Variants in SQLE observed in about 807,000 individuals in gnomAD.
SQLE encodes the protein squalene epoxidase.
In SQLE, 29 loss-of-function variants were observed where a neutral mutation model predicts 60.7. The observed-to-expected ratio is 0.48, with a 90% CI of 0.36 to 0.65. The LOEUF (loss-of-function observed/expected upper bound fraction) is 0.65. Among genes scored for constraint, SQLE ranks in the 30% least tolerant of loss-of-function variants. SQLE has a pLI of 0.00. For synonymous variants in SQLE, 237 were observed against 246.8 expected (o/e 0.96, Z 0.37); for missense variants, 605 against 684.1 (o/e 0.88, Z 1.29).
chr8:124,999,873 A>G, intron 1 of SQLE, 179 bp downstream of exon 1: 2 of 813,518 alleles, frequency 2.5e-6, no homozygotes, highest in South Asian at 3.3e-5. Context: ...CTTCTTAAGA[A>G]TGAGTGAAGA....
chr8:124,999,862 CCTT>C (rs796664139), intron 1 of SQLE, 168 bp downstream of exon 1: 10 of 896,128 alleles, frequency 1.1e-5, no homozygotes, highest in African/African-American at 5.0e-5. Flanking sequence ...ACATCTTTGA[CCTT>C]CTTAAGAATG....
intron 4 of SQLE, 59 bp downstream of exon 4, chr8:125,007,546 T>C: frequency 8.4e-7 from 1 of 1,189,512 alleles, no homozygotes; most frequent in African/African-American, 1.5e-5. Context: ...GCTTTTTCAC[T>C]TACCCCTTTA....
chr8:125,013,061 T>C (rs1194319253), intron 7 of SQLE, among the ~76,000 whole-genome samples: 2 of 152,248 alleles, frequency 1.3e-5, no homozygotes, highest in African/African-American at 4.8e-5. Flanking sequence ...TGGAGAAATG[T>C]ATATTTAGAC....
rs550890517 is a variant in SQLE, at chr8:124,998,786, C to T, written c.-618C>T. On this transcript the variant is annotated 5_prime_UTR_variant, in exon 1 of 11. Transcript: ENST00000265896. ...GCCGCACTCTTGAGTCCGAGGCCAT[C>T]TTTTGTTGGAGAAGGCGTCGGCGTT... is the stretch of plus-strand genomic sequence containing the variant. The T allele has an allele frequency of 2.8e-4, 136 of 493,050 alleles. 1 individual carries two copies. In the Middle Eastern group the frequency reaches 3.8e-3, roughly 14 times the overall value. The allele number at this position is 493,050 out of a possible 1,614,324, so 30.5% of individuals were successfully genotyped here.
chr8:125,021,221 A>C (rs1815198896), intron 10 of SQLE, among the ~76,000 whole-genome samples: 1 of 152,150 alleles, frequency 6.6e-6, no homozygotes. Context: ...GACTTATACA[A>C]CCCAGTATTA....
Position 124,999,659 on chromosome 8 carries a change from G to A in SQLE, c.256G>A (p.Glu86Lys). 6.2e-7 allele frequency: 1 copy of A among 1,607,652 alleles called. No homozygotes were observed. Residue 86 changes from glutamate (E) to lysine (K), a missense_variant, in exon 1 of 11, where the codon GAA (glutamate) becomes AAA (lysine). By Grantham distance (56) the Glu-to-Lys change is moderately conservative (BLOSUM62 1). Coordinates refer to ENST00000265896, the MANE Select transcript of SQLE (RefSeq NM_003129.4). ...CTTCTTCTGGGCCAAATCCCCCCCT[G>A]AATCAGAAAATAAGGAGCAGCTCGA... ...IGFFWAKSPPESENKEQLEAR... is the reference protein window; with the variant it reads ...IGFFWAKSPPKSENKEQLEAR...
At chr8:125,018,010 T>C in intron 7 of SQLE, 49 bp from the exon 8 acceptor site, 1 of 1,582,682 alleles carries the variant, frequency 6.3e-7, no homozygotes, top group Non-Finnish European at 8.6e-7. Flanking sequence ...CTTTTTGTTT[T>C]GTCTCAAGGG....
In SQLE at chr8:125,021,823, T is replaced by A; in HGVS notation, c.1603T>A (p.Phe535Ile). The change falls in exon 11 of 11, where the codon TTT becomes ATT. Residue 535 changes from phenylalanine to isoleucine, a missense_variant. Phe to Ile is a conservative substitution (Grantham distance 21). Coordinates refer to ENST00000265896, the MANE Select transcript of SQLE (RefSeq NM_003129.4). ...AVAIYAVYFC[F>I]KSEPWITKPR... The stretch of plus-strand genomic sequence containing the variant: ...TGCAATCTATGCCGTGTATTTTTGC[T>A]TTAAGTCAGAACCTTGGATTACAAA... 6.2e-7 allele frequency: 1 copy of A among 1,610,416 alleles called. No homozygotes were observed. Among genetic ancestry groups the A allele is most frequent in the South Asian group, 1.1e-5 (1 of 90,334 alleles).
chr8:125,003,527 T>G, intron 2 of SQLE, 99 bp downstream of exon 2: 1 of 1,403,398 alleles, frequency 7.1e-7, no homozygotes, highest in Non-Finnish European at 9.6e-7. Context: ...CATTTTATTT[T>G]CATTTATAAA....
rs757287545 is a variant in SQLE at position 124,999,654 on chromosome 8, C to G, written c.251C>G (p.Pro84Arg). The change falls in exon 1 of 11, where the codon CCC (proline) becomes CGC (arginine). Residue 84 changes from proline to arginine, a missense_variant. Transcript: ENST00000265896. ...ATTGGCTTCTTCTGGGCCAAATCCCCCCCTGAATCAGAAAATAAGGAGCAG... is the reference window on the plus strand; with the variant it reads ...ATTGGCTTCTTCTGGGCCAAATCCCGCCCTGAATCAGAAAATAAGGAGCAG... ...PFIGFFWAKS[P>R]PESENKEQLE... 6.2e-7 allele frequency: 1 copy of G among 1,608,362 alleles called. No homozygotes were observed. Among genetic ancestry groups the G allele is most frequent in the Non-Finnish European group, 8.5e-7 (1 of 1,177,202 alleles).
rs1022678911 is a variant in SQLE, at chr8:125,017,860, C to A, written c.1205-199C>A. ...TATTACCATATCCCCAGTGCCTGGC[C>A]ACCTATTAGGTACCCAACATTGATT... is the stretch of plus-strand genomic sequence containing the variant. On this transcript the variant is annotated intron_variant, in intron 7 of 10. Coordinates refer to ENST00000265896, the MANE Select transcript of SQLE (RefSeq NM_003129.4). The A allele has an allele frequency of 2.1e-5, 12 of 585,360 alleles. No homozygotes were observed. In the African/African-American group the frequency reaches 2.3e-4, roughly 11 times the overall value. The allele number at this position is 585,360 out of a possible 1,614,324, so 36.3% of individuals were successfully genotyped here.
In SQLE at chr8:125,009,007, C is replaced by T. The variant is rs1469012396; in HGVS notation, c.859C>T (p.Leu287Phe). ...TCCACTGACTGTTGTTGCAGATGGG[C>T]TTTTCTCCAAGTTCAGGAAAAGCCT... ...HAPLTVVADG[L>F]FSKFRKSLVS... The change falls in exon 5 of 11, where the codon CTT becomes TTT. Residue 287 changes from leucine (L) to phenylalanine (F), a missense_variant. Leu to Phe is a conservative substitution (Grantham distance 22). Transcript: ENST00000265896. The T allele has an allele frequency of 2.5e-6, 4 of 1,594,134 alleles. No individual in the cohort carries two copies. The highest frequency in any genetic ancestry group is 3.4e-6 in the Non-Finnish European group (4 of 1,173,112).
Position 125,005,549 on chromosome 8 carries a change from A to T in SQLE, c.569A>T (p.Gln190Leu). ...LGDTVEGLDA[Q>L]VVNGYMIHDQ... ...GATACAGTGGAAGGTCTTGATGCCCAGGTTGTAAATGGTTACATGATTCAT... is the reference window on the plus strand; with the variant it reads ...GATACAGTGGAAGGTCTTGATGCCCTGGTTGTAAATGGTTACATGATTCAT... Residue 190 changes from glutamine to leucine, a missense_variant, in exon 3 of 11, where the codon CAG (glutamine) becomes CTG (leucine). Coordinates refer to ENST00000265896, the MANE Select transcript of SQLE (RefSeq NM_003129.4). 6.2e-7 allele frequency: 1 copy of T among 1,604,602 alleles called. No individual in the cohort carries two copies.
chr8:125,001,854 C>A (rs1814860166), intron 1 of SQLE, among the ~76,000 whole-genome samples: 1 of 151,976 alleles, frequency 6.6e-6, no homozygotes, highest in Non-Finnish European at 1.5e-5. Context: ...TCATTAAGGT[C>A]AAAGAACTCA....
chr8:125,000,036 G>A, intron 1 of SQLE: 2 of 484,142 alleles, frequency 4.1e-6, no homozygotes, highest in Non-Finnish European at 8.1e-6. Context: ...GGTAAGGATT[G>A]GATTTGTGCC....
chr8:125,015,680 T>C (rs1466965963), intron 7 of SQLE, among the ~76,000 whole-genome samples: 2 of 152,214 alleles, frequency 1.3e-5, no homozygotes, highest in Non-Finnish European at 2.9e-5. Context: ...CTCCTTGCTT[T>C]TTAACTTTTG....
chr8:125,008,295 G>A (rs1056930694), intron 4 of SQLE, among the ~76,000 whole-genome samples: 3 of 152,084 alleles, frequency 2.0e-5, no homozygotes, highest in African/African-American at 7.2e-5. Flanking sequence ...CTCCATGTTG[G>A]TCAGGCTGCT....
rs766514291 is a variant in SQLE, at chr8:125,003,183, A to G, written c.299A>G (p.Lys100Arg). 39 of 1,607,528 alleles carry G rather than the reference A, an allele frequency of 2.4e-5. No homozygotes were observed. The highest frequency in any genetic ancestry group is 3.2e-5 in the Non-Finnish European group (38 of 1,177,590). The stretch of plus-strand genomic sequence containing the variant: ...CTTTTTTTTTTTAAACAGCGCAGAA[A>G]AGGAACCAATATTTCAGAAACAAGC... Reference protein sequence around the residue: ...KEQLEARRRRKGTNISETSLI... With the variant: ...KEQLEARRRRRGTNISETSLI... The change falls in exon 2 of 11, where the codon AAA becomes AGA. Residue 100 changes from lysine to arginine, a missense_variant. Physicochemically the swap from Lys to Arg is conservative, Grantham distance 26. Coordinates refer to ENST00000265896, the MANE Select transcript of SQLE (RefSeq NM_003129.4).
chr8:125,011,910 C>T (rs1815045589), intron 7 of SQLE, among the ~76,000 whole-genome samples: 2 of 128,584 alleles, frequency 1.6e-5, no homozygotes, highest in Non-Finnish European at 3.4e-5. Context: ...TTTTACAACA[C>T]TGTTGATAAA....
Sources: gnomAD v4.1 joint callset for allele counts (sites outside exome capture counted in the v4.1 genomes callset) on GRCh38, gnomAD v4.1.1 for gene constraint, MANE v1.5 for transcripts, NCBI Gene and HGNC (gene_info 2026-07-23, HGNC 2026-07-21) for gene names.